Variants in WDR47 observed in about 807,000 individuals in gnomAD.
The protein encoded by WDR47 is WD repeat domain 47.
Under a neutral mutation model 97.2 loss-of-function variants are expected in WDR47, and 32 were observed. That is an observed-to-expected ratio of 0.33 (90% CI 0.25 to 0.44). WDR47 has a LOEUF of 0.44. Ranked by LOEUF, WDR47 falls within the 20% of genes least tolerant of loss-of-function variation. WDR47 has a pLI of 1.00. For synonymous variants in WDR47, 375 were observed against 373.5 expected, an observed-to-expected ratio of 1.00 and a Z score of -0.05; for missense variants, 782 against 1,102.3, an observed-to-expected ratio of 0.71 and a Z score of 4.11.
chr1:108,975,679 TAA>T (rs200500804), intron 13 of WDR47, among the ~76,000 whole-genome samples: 1 of 141,008 alleles, frequency 7.1e-6, no homozygotes, highest in East Asian at 2.0e-4. Flanking sequence ...AAAAATAAAT[TAA>T]AAAAAAAAAA....
At chr1:108,984,834 T>C (rs897516374) in intron 10 of WDR47, among the ~76,000 whole-genome samples, 4 of 152,214 alleles carry the variant, frequency 2.6e-5, no homozygotes, top group African/African-American at 9.6e-5. Context: ...GCTGAGGTCG[T>C]GCCAGTGCAC....
At chr1:109,024,740 T>C (rs937504077) in intron 1 of WDR47, 3 of 152,212 alleles carry the variant, frequency 2.0e-5, no homozygotes, top group African/African-American at 7.3e-5. Flanking sequence ...ACTAGGGGAG[T>C]AGCCACAAAG....
chr1:109,022,870 G>C (rs1661947343), intron 2 of WDR47, among the ~76,000 whole-genome samples: 1 of 151,594 alleles, frequency 6.6e-6, no homozygotes, highest in African/African-American at 2.4e-5. Context: ...ACAGGCGTGA[G>C]CCACCACGCC....
At chr1:108,985,334 T>TA (rs1571152300) in intron 10 of WDR47, among the ~76,000 whole-genome samples, 1 of 152,206 alleles carries the variant, frequency 6.6e-6, no homozygotes, top group Non-Finnish European at 1.5e-5. Flanking sequence ...ACGTTCCCTC[T>TA]ATATTATTCT....
At chr1:108,984,500 T>C (rs563563143) in intron 10 of WDR47, among the ~76,000 whole-genome samples, 2 of 152,318 alleles carry the variant, frequency 1.3e-5, no homozygotes, top group Non-Finnish European at 2.9e-5. Context: ...TAGTCTACTT[T>C]TGAGTCTTTG....
chr1:109,035,194 C>A (rs1393263042), intron 1 of WDR47, among the ~76,000 whole-genome samples: 1 of 141,738 alleles, frequency 7.1e-6, no homozygotes, highest in Non-Finnish European at 1.5e-5. Context: ...TGCAGTGAGC[C>A]AACATTGCAC....
intron 2 of WDR47, among the ~76,000 whole-genome samples, chr1:109,019,203 C>T (rs929643595): frequency 1.9e-4 from 29 of 151,736 alleles, no homozygotes; most frequent in African/African-American, 6.0e-4. Flanking sequence ...GCCAACATGG[C>T]GAAACACCAT....
chr1:109,015,893 G>A (rs2101965963), intron 3 of WDR47, among the ~76,000 whole-genome samples: 1 of 147,564 alleles, frequency 6.8e-6, no homozygotes, highest in South Asian at 2.1e-4. Flanking sequence ...TGAGGCAGGA[G>A]AATCGCTTGA....
intron 9 of WDR47, among the ~76,000 whole-genome samples, chr1:108,989,025 G>A (rs1303115140): frequency 1.3e-5 from 2 of 152,144 alleles, no homozygotes; most frequent in Admixed American, 6.5e-5. Flanking sequence ...CCAAAGTGCT[G>A]GGATTACAGG....
chr1:108,981,935 C>A (rs1658375476), intron 12 of WDR47, 71 bp from the exon 13 acceptor site: 2 of 1,518,252 alleles, frequency 1.3e-6, no homozygotes, highest in Admixed American at 4.0e-5. Context: ...AAGCTAAGCA[C>A]TCTAGAGTTG....
At chr1:109,033,333 T>C (rs970645969) in intron 1 of WDR47, among the ~76,000 whole-genome samples, 1 of 152,006 alleles carries the variant, frequency 6.6e-6, no homozygotes, top group East Asian at 1.9e-4. Context: ...TAAATGGTTA[T>C]TATCTGGAGC....
At chr1:109,026,113 C>T (rs532526800) in intron 1 of WDR47, among the ~76,000 whole-genome samples, 8 of 151,892 alleles carry the variant, frequency 5.3e-5, no homozygotes, top group Non-Finnish European at 8.8e-5. Context: ...GTTGCATGAC[C>T]ATGGCCCACT....
intron 2 of WDR47, 119 bp downstream of exon 2, chr1:109,023,236 T>G: frequency 1.0e-6 from 1 of 953,278 alleles, no homozygotes; most frequent in Non-Finnish European, 1.4e-6. Flanking sequence ...TTTTTTAAAA[T>G]TATACTTACA....
chr1:108,997,255 C>G (rs1398688636), intron 7 of WDR47, among the ~76,000 whole-genome samples: 2 of 147,842 alleles, frequency 1.4e-5, no homozygotes, highest in Non-Finnish European at 3.0e-5. Flanking sequence ...GGGAGCCCGT[C>G]TCTCCCAAAA....
chr1:109,039,415 G>A (rs1256674019), intron 1 of WDR47, among the ~76,000 whole-genome samples: 2 of 152,010 alleles, frequency 1.3e-5, no homozygotes, highest in East Asian at 1.9e-4. Flanking sequence ...ACGCCACCAT[G>A]CCCAGTTAAT....
intron 2 of WDR47, among the ~76,000 whole-genome samples, chr1:109,020,169 A>C (rs1661723706): frequency 6.6e-6 from 1 of 152,154 alleles, no homozygotes; most frequent in Non-Finnish European, 1.5e-5. Flanking sequence ...GGTGCATTTC[A>C]ATATTTAAAA....
At chr1:108,986,473 C>T (rs1305519187) in intron 10 of WDR47, 50 bp downstream of exon 10, 1 of 1,515,200 alleles carries the variant, frequency 6.6e-7, no homozygotes, top group Non-Finnish European at 8.9e-7. Flanking sequence ...ACCTATACGG[C>T]TAAATTAAAA....
chr1:108,983,493 T>C lies in WDR47; in HGVS notation c.1926-42A>G, dbSNP rs376871687. The C allele has an allele frequency of 2.3e-5, 35 of 1,497,670 alleles. No individual in the cohort carries two copies. The African/African-American group carries it at 4.7e-4, about 20-fold the overall frequency. The allele number at this position is 1,497,670 out of a possible 1,614,324, so 92.8% of individuals were successfully genotyped here. ...CAGAAATATATTTCAATTTCTTGCT[T>C]GCTACAATCAGTTATGAGGTTCCAT... is the stretch of plus-strand genomic sequence containing the variant. On this transcript the variant is annotated intron_variant, in intron 10 of 14. Transcript: ENST00000369962.
intron 3 of WDR47, among the ~76,000 whole-genome samples, chr1:109,015,571 G>A (rs1418232810): frequency 1.3e-5 from 2 of 151,518 alleles, no homozygotes; most frequent in South Asian, 2.1e-4. Flanking sequence ...CAAGTGATCC[G>A]CCTGCCTCGG....
Sources: allele counts gnomAD v4.1 joint callset (sites outside exome capture counted in the v4.1 genomes callset), GRCh38; gene constraint gnomAD v4.1.1; transcripts MANE v1.5; gene names NCBI Gene and HGNC (gene_info 2026-07-23, HGNC 2026-07-21).